The following BABAM2 variants were observed in gnomAD, a reference collection of about 807,000 sequenced individuals.
BABAM2 encodes the protein BRISC and BRCA1 A complex member 2.
Under a neutral mutation model 54.7 loss-of-function variants are expected in BABAM2, and 31 were observed. The observed-to-expected ratio is 0.57, with a 90% CI of 0.43 to 0.77. The LOEUF is 0.77. Among genes scored for constraint, BABAM2 ranks in the 30% least tolerant of loss-of-function variants. The probability of loss-of-function intolerance (pLI) is 0.00; values close to 1 mark genes in which losing one functional copy is unlikely to be tolerated. For missense variants in BABAM2, 364 were observed against 455.8 expected (o/e 0.80, Z 1.83); for synonymous variants, 167 against 162.9 (o/e 1.03, Z -0.19).
At chr2:28,296,985 GCCTAA>G (rs1435407575) in intron 10 of BABAM2, among the ~76,000 whole-genome samples, 1 of 152,096 alleles carries the variant, frequency 6.6e-6, no homozygotes, top group African/African-American at 2.4e-5. Context: ...ACTGTGCCTG[GCCTAA>G]TTATCTGGTA....
rs1482064460 is a variant in BABAM2, at chr2:28,093,002, TAAAAGG to T, written c.571-36268_571-36263del. Among the ~76,000 whole-genome samples the T allele has an allele frequency of 2.6e-5, 4 of 152,316 alleles. No individual in the cohort carries two copies. In the South Asian group the frequency reaches 8.3e-4, roughly 32 times the overall value. The stretch of plus-strand genomic sequence containing the variant: ...TTCTTTATGATTATCATCAAATTAT[TAAAAGG>T]TAGCTTTTTAGGAACTTACATTTTA... On this transcript the variant is annotated intron_variant, in intron 6 of 11. Transcript: ENST00000379624.
chr2:27,904,481 A>G (rs1397818628), intron 2 of BABAM2, among the ~76,000 whole-genome samples: 1 of 152,246 alleles, frequency 6.6e-6, no homozygotes, highest in African/African-American at 2.4e-5. Context: ...ATGCTGCCTG[A>G]TAACACTACA....
In BABAM2 at chr2:27,963,156, C is replaced by T. The variant is rs572744424; in HGVS notation, c.206-24837C>T. On this transcript the variant is annotated intron_variant, in intron 3 of 11. Transcript: ENST00000379624. The stretch of plus-strand genomic sequence containing the variant: ...GCAGCAGACTATAGATGAAGGAAAT[C>T]GTTGTCCCAATATTTAAAGAAAAGA... Among the ~76,000 whole-genome samples, 8 of 152,154 alleles carry T rather than the reference C, an allele frequency of 5.3e-5. No individual in the cohort carries two copies. In the South Asian group the frequency reaches 1.2e-3, roughly 24 times the overall value.
chr2:28,182,272 C>G (rs1464106059), intron 7 of BABAM2, among the ~76,000 whole-genome samples: 1 of 152,106 alleles, frequency 6.6e-6, no homozygotes, highest in African/African-American at 2.4e-5. Flanking sequence ...CTGATGATCT[C>G]CCACTTAGGG....
chr2:28,295,583 T>C (rs1452396269), intron 10 of BABAM2, among the ~76,000 whole-genome samples: 1 of 152,058 alleles, frequency 6.6e-6, no homozygotes, highest in Non-Finnish European at 1.5e-5. Context: ...GCAACATCTC[T>C]CTCCAGAGTT....
At chr2:28,293,860 A>T (rs1342962496) in intron 10 of BABAM2, among the ~76,000 whole-genome samples, 1 of 152,194 alleles carries the variant, frequency 6.6e-6, no homozygotes, top group African/African-American at 2.4e-5. Context: ...CTCTAAAAAT[A>T]AAAAATTAAA....
At position 28,262,935 on chromosome 2, in the gene BABAM2, G is replaced by A. The variant is rs768800452; in HGVS notation, c.934+18073G>A. On this transcript the variant is annotated intron_variant, in intron 10 of 11. Transcript: ENST00000379624. ...TTGATACACTTTTCCTCCCAAAGAG[G>A]TGATCCAAATTCCTGAGATGGCCCG... 3.3e-5 allele frequency among the ~76,000 whole-genome samples: 5 copies of A among 152,098 alleles called. No homozygotes were observed. In the South Asian group the frequency reaches 1.0e-3, roughly 32 times the overall value.
At chr2:27,901,295 C>T (rs1005792689) in intron 2 of BABAM2, among the ~76,000 whole-genome samples, 3 of 152,042 alleles carry the variant, frequency 2.0e-5, no homozygotes, top group Non-Finnish European at 4.4e-5. Context: ...AGTGTCTGTT[C>T]AGCATTCTGG....
intron 3 of BABAM2, among the ~76,000 whole-genome samples, chr2:27,964,406 A>G (rs189605037): frequency 6.6e-6 from 1 of 152,328 alleles, no homozygotes; most frequent in African/African-American, 2.4e-5. Flanking sequence ...GGTTTCCAAA[A>G]TTAGTTGTAT....
intron 6 of BABAM2, among the ~76,000 whole-genome samples, chr2:28,112,197 C>CCCTTCCTTCCTTCCTTCCTTCCTTCCTT (rs1215942914): frequency 2.6e-3 from 66 of 25,492 alleles, no homozygotes; most frequent in South Asian, 5.5e-3. Flanking sequence ...CTCCCTCCCT[C>CCCTTCCTTCCTTCCTTCCTTCCTTCCTT]CCTTCCTTCC....
At chr2:28,313,517 GAA>G (rs888652330) in intron 11 of BABAM2, among the ~76,000 whole-genome samples, 1 of 152,076 alleles carries the variant, frequency 6.6e-6, no homozygotes, top group Non-Finnish European at 1.5e-5. Context: ...CACTTCTGAG[GAA>G]AAAAAGTAGT....
chr2:28,262,283 T>G (rs546021879), intron 10 of BABAM2, among the ~76,000 whole-genome samples: 20 of 152,286 alleles, frequency 1.3e-4, no homozygotes, highest in Admixed American at 8.5e-4. Context: ...CTGACAAATG[T>G]GACTTTATCC....
intron 5 of BABAM2, among the ~76,000 whole-genome samples, chr2:28,037,821 G>T (rs1676773876): frequency 6.6e-6 from 1 of 152,136 alleles, no homozygotes; most frequent in South Asian, 2.1e-4. Flanking sequence ...AAAATATAGA[G>T]CCATTTGCCT....
chr2:28,210,441 G>A (rs1177905591), intron 7 of BABAM2, among the ~76,000 whole-genome samples: 2 of 152,166 alleles, frequency 1.3e-5, no homozygotes, highest in African/African-American at 4.8e-5. Flanking sequence ...AGGCTAGGGT[G>A]TAGAGTTTTC....
rs537297090 is a variant in BABAM2, at chr2:28,297,766, T to C, written c.935-572T>C. Among the ~76,000 whole-genome samples, 5 of 152,314 alleles carry C rather than the reference T, an allele frequency of 3.3e-5. No homozygotes were observed. The East Asian group carries it at 9.7e-4, about 29-fold the overall frequency. On this transcript the variant is annotated intron_variant, in intron 10 of 11. Transcript: ENST00000379624. The stretch of plus-strand genomic sequence containing the variant: ...CACTGCTTGATTGGAAGTAGAGTGA[T>C]AACTTCATTTTTCCTGGTAGTCTGG...
intron 11 of BABAM2, among the ~76,000 whole-genome samples, chr2:28,310,743 G>C (rs1689003149): frequency 6.6e-6 from 1 of 151,788 alleles, no homozygotes; most frequent in South Asian, 2.1e-4. Flanking sequence ...AATTAGCCAG[G>C]CATGATGGCG....
At chr2:28,043,724 C>T (rs1330735957) in intron 5 of BABAM2, among the ~76,000 whole-genome samples, 1 of 152,150 alleles carries the variant, frequency 6.6e-6, no homozygotes, top group East Asian at 1.9e-4. Context: ...CAGCATAATA[C>T]CAAAACCACA....
At chr2:28,208,070 C>T (rs1294817603) in intron 7 of BABAM2, among the ~76,000 whole-genome samples, 5 of 151,186 alleles carry the variant, frequency 3.3e-5, no homozygotes, top group African/African-American at 9.8e-5. Context: ...TGTGTGTACA[C>T]ATGCGCACAC....
intron 7 of BABAM2, among the ~76,000 whole-genome samples, chr2:28,213,707 A>G (rs1356219210): frequency 6.6e-6 from 1 of 152,142 alleles, no homozygotes; most frequent in African/African-American, 2.4e-5. Flanking sequence ...CATCAGAATT[A>G]AAATACATTT....
Sources: gnomAD v4.1 joint callset for allele counts (sites outside exome capture counted in the v4.1 genomes callset) on GRCh38, gnomAD v4.1.1 for gene constraint, MANE v1.5 for transcripts, NCBI Gene and HGNC (gene_info 2026-07-23, HGNC 2026-07-21) for gene names.